The following ARL15 variants were observed in gnomAD, a reference collection of about 807,000 sequenced individuals.
The protein encoded by ARL15 is ADP-ribosylation factor-like protein 15.
A neutral mutation model predicts 25.2 loss-of-function variants in ARL15; 19 were observed. The ratio of observed to expected loss-of-function variants is 0.75; its 90% CI spans 0.53 to 1.10. ARL15 has a LOEUF of 1.10. ARL15 is among the 50% of genes least tolerant of loss of function. The pLI, the probability that ARL15 is intolerant of heterozygous loss-of-function variation, is 0.00. For synonymous variants in ARL15, 94 were observed against 86.8 expected (o/e 1.08, Z -0.46); for missense variants, 220 against 246.0 (o/e 0.89, Z 0.71).
intron 1 of ARL15, among the ~76,000 whole-genome samples, chr5:54,237,874 T>C (rs774870676): frequency 1.1e-4 from 16 of 152,202 alleles, no homozygotes; most frequent in Non-Finnish European, 1.9e-4. Context: ...CAAATGGGGC[T>C]GGGCAACCAA....
At chr5:54,014,669 C>T (rs769689874) in intron 4 of ARL15, among the ~76,000 whole-genome samples, 6 of 151,984 alleles carry the variant, frequency 3.9e-5, no homozygotes, top group Non-Finnish European at 7.4e-5. Context: ...TACAGGCACA[C>T]GTCACCATAC....
chr5:54,081,126 G>A (rs1751785710), intron 4 of ARL15, among the ~76,000 whole-genome samples: 1 of 152,084 alleles, frequency 6.6e-6, no homozygotes, highest in Admixed American at 6.5e-5. Context: ...CATATGAACT[G>A]GGGGAAGGGC....
At chr5:54,280,252 C>T (rs187747630) in intron 1 of ARL15, among the ~76,000 whole-genome samples, 1 of 152,308 alleles carries the variant, frequency 6.6e-6, no homozygotes, top group East Asian at 1.9e-4. Flanking sequence ...CATTCCCCAA[C>T]TTGCATTCAA....
chr5:53,970,942 A>G (rs2112181745), intron 4 of ARL15, among the ~76,000 whole-genome samples: 1 of 152,346 alleles, frequency 6.6e-6, no homozygotes, highest in Non-Finnish European at 1.5e-5. Flanking sequence ...TTTTGATGTT[A>G]TAGTTGGGAG....
chr5:54,006,615 T>C (rs1749053747), intron 4 of ARL15, among the ~76,000 whole-genome samples: 1 of 152,186 alleles, frequency 6.6e-6, no homozygotes, highest in Non-Finnish European at 1.5e-5. Context: ...AAAAAAGTCT[T>C]GTTCAGACAA....
intron 4 of ARL15, among the ~76,000 whole-genome samples, chr5:54,057,979 T>C (rs1451593531): frequency 1.3e-5 from 2 of 148,474 alleles, no homozygotes; most frequent in African/African-American, 5.0e-5. Flanking sequence ...TCCACTAATT[T>C]ACTGGTGCCT....
intron 4 of ARL15, among the ~76,000 whole-genome samples, chr5:54,103,510 A>G (rs1171665310): frequency 1.3e-5 from 2 of 152,188 alleles, no homozygotes; most frequent in South Asian, 2.1e-4. Context: ...AGATATTATT[A>G]AAGAAAAAGA....
At chr5:54,288,078 A>G (rs1758225676) in intron 1 of ARL15, among the ~76,000 whole-genome samples, 1 of 149,774 alleles carries the variant, frequency 6.7e-6, no homozygotes, top group Admixed American at 6.7e-5. Context: ...AAGAAACTAT[A>G]CAAAAAAGAA....
chr5:54,262,413 G>A (rs995874387), intron 1 of ARL15, among the ~76,000 whole-genome samples: 2 of 152,138 alleles, frequency 1.3e-5, no homozygotes, highest in African/African-American at 4.8e-5. Flanking sequence ...ACGTGCCTTT[G>A]TGATCCACAA....
At chr5:53,898,774 TCCTGAGTA>T (rs902745543) in intron 4 of ARL15, among the ~76,000 whole-genome samples, 2 of 151,770 alleles carry the variant, frequency 1.3e-5, no homozygotes, top group African/African-American at 2.4e-5. Flanking sequence ...AACCTCAGCC[TCCTGAGTA>T]GCGAGGACCA....
chr5:54,188,509 T>C (rs1054664279), intron 1 of ARL15, among the ~76,000 whole-genome samples: 3 of 152,200 alleles, frequency 2.0e-5, no homozygotes, highest in African/African-American at 4.8e-5. Flanking sequence ...ATAATTACAA[T>C]AATATTGGAT....
At chr5:54,099,409 G>T (rs10471887) in intron 4 of ARL15, among the ~76,000 whole-genome samples, 36,923 of 151,690 alleles carry the variant, frequency 0.24, 4,917 homozygotes, top group African/African-American at 0.35. Flanking sequence ...ATTTCTGCCC[G>T]CAATACCACA....
chr5:53,951,940 A>T (rs2112119531), intron 4 of ARL15, among the ~76,000 whole-genome samples: 1 of 148,216 alleles, frequency 6.7e-6, no homozygotes, highest in East Asian at 2.0e-4. Context: ...TGTTTTCTGG[A>T]CAATCTGTGC....
chr5:53,982,496 C>T (rs1748156392), intron 4 of ARL15, among the ~76,000 whole-genome samples: 1 of 152,048 alleles, frequency 6.6e-6, no homozygotes, highest in Non-Finnish European at 1.5e-5. Context: ...TCATCCATGT[C>T]CCTGCAAAGG....
Position 53,937,132 on chromosome 5 carries a change from CCGGAGGCT to C in ARL15, c.463-50427_463-50420del, listed in dbSNP as rs1489409074. ...AAGCCTTGCCAAGAGTTCTCCGTCC[CCGGAGGCT>C]CGGTGTCAATGGCTTTCACCTCTGG... On this transcript the variant is annotated intron_variant, in intron 4 of 4. Coordinates refer to ENST00000504924, the MANE Select transcript of ARL15 (RefSeq NM_019087.3). 1.6e-4 allele frequency among the ~76,000 whole-genome samples: 25 copies of C among 152,298 alleles called. No individual in the cohort carries two copies. The South Asian group carries it at 4.4e-3, about 27-fold the overall frequency.
At chr5:54,218,926 AAT>A (rs964450659) in intron 1 of ARL15, among the ~76,000 whole-genome samples, 2 of 151,950 alleles carry the variant, frequency 1.3e-5, no homozygotes, top group Non-Finnish European at 2.9e-5. Flanking sequence ...AATAATGTAA[AAT>A]ATATATATAA....
chr5:53,933,513 T>C (rs1308648434), intron 4 of ARL15, among the ~76,000 whole-genome samples: 1 of 151,650 alleles, frequency 6.6e-6, no homozygotes, highest in African/African-American at 2.4e-5. Flanking sequence ...GGCGTGGTGG[T>C]GGGCACCTGT....
intron 1 of ARL15, among the ~76,000 whole-genome samples, chr5:54,216,444 A>C (rs761933699): frequency 6.6e-6 from 1 of 152,226 alleles, no homozygotes; most frequent in Non-Finnish European, 1.5e-5. Context: ...ATGGAAGAAC[A>C]TAACTAACAA....
chr5:53,957,949 C>T (rs887372310), intron 4 of ARL15, among the ~76,000 whole-genome samples: 3 of 152,170 alleles, frequency 2.0e-5, no homozygotes, highest in East Asian at 1.9e-4. Context: ...GTGGCTCACA[C>T]CTGTAATCCC....
Sources: gnomAD v4.1 joint callset for allele counts (sites outside exome capture counted in the v4.1 genomes callset) on GRCh38, gnomAD v4.1.1 for gene constraint, MANE v1.5 for transcripts, NCBI Gene and HGNC (gene_info 2026-07-23, HGNC 2026-07-21) for gene names.